SLC12A5: variants seen among roughly 807,000 people sequenced by gnomAD.
SLC12A5 encodes K-Cl cotransporter 2.
SLC12A5 carries 18 observed loss-of-function variants against 124.0 expected under a neutral mutation model. That is an observed-to-expected ratio of 0.15 (90% CI 0.10 to 0.22). SLC12A5 has a LOEUF of 0.22. SLC12A5 is among the 10% of genes least tolerant of loss of function. The pLI, the probability that SLC12A5 is intolerant of heterozygous loss-of-function variation, is 1.00. For synonymous variants in SLC12A5, 589 were observed against 568.0 expected (o/e 1.04, Z -0.53); for missense variants, 867 against 1,478.7 (o/e 0.59, Z 6.78).
At position 46,041,368 on chromosome 20, in the gene SLC12A5, C is replaced by T. The variant is rs1415973040; in HGVS notation, c.894C>T (p.Gly298=). 1.2e-6 allele frequency: 2 copies of T among 1,614,022 alleles called. No homozygotes were observed. Among genetic ancestry groups the T allele is most frequent in the African/African-American group, 2.7e-5 (2 of 74,910 alleles). ...LLGNRTLSRH[G]FDVCAKLAWE... The stretch of plus-strand genomic sequence containing the variant: ...GTAACCGCACGCTGTCTCGCCATGG[C>T]TTTGATGTCTGTGCCAAGCTGGCTT... The change falls in exon 8 of 26, where the codon GGC becomes GGT. Residue 298 remains glycine, a synonymous_variant. Transcript: ENST00000243964.
chr20:46,049,490 T>G (rs1600602103), intron 16 of SLC12A5, 132 bp from the exon 17 acceptor site: 4 of 1,112,026 alleles, frequency 3.6e-6, no homozygotes, highest in Admixed American at 2.3e-5. Context: ...AATGGATGGG[T>G]GGTGAGGGGT....
chr20:46,026,056 G>A (rs1026488322), upstream of SLC12A5, among the ~76,000 whole-genome samples: 2 of 152,288 alleles, frequency 1.3e-5, no homozygotes, highest in South Asian at 4.1e-4. Flanking sequence ...CAAGGGGCTG[G>A]GTTCTAGTCC....
chr20:46,040,468 T>C lies in SLC12A5; in HGVS notation c.708T>C (p.Cys236=), dbSNP rs1322724081. 2 of 1,614,230 alleles carry C rather than the reference T, an allele frequency of 1.2e-6. No individual in the cohort carries two copies. The highest frequency in any genetic ancestry group is 4.5e-5 in the East Asian group (2 of 44,892). Reference sequence around the variant, plus strand: ...ACAACATGCGTGTTTACGGCACCTGTGTGCTCACCTGCATGGCCACTGTGG... The same window carrying C: ...ACAACATGCGTGTTTACGGCACCTGCGTGCTCACCTGCATGGCCACTGTGG... ...MLNNMRVYGT[C]VLTCMATVVF... is the part of the protein sequence containing the mutation. The change falls in exon 7 of 26, where the codon TGT becomes TGC. Residue 236 remains cysteine (C), a synonymous_variant. Transcript: ENST00000243964.
chr20:46,042,533 T>A (rs1425717980), intron 8 of SLC12A5, among the ~76,000 whole-genome samples: 3 of 151,996 alleles, frequency 2.0e-5, no homozygotes, highest in African/African-American at 4.8e-5. Context: ...TTGTCAAAAC[T>A]GGAGGGGTGT....
In SLC12A5 at chr20:46,041,427, G is replaced by A. The variant is rs1259210706; in HGVS notation, c.953G>A (p.Trp318Ter). Reference protein sequence around the residue: ...EGNETVTTRLWGLFCSSRFLN... With the variant: ...EGNETVTTRL ...AATGAGACGGTGACCACACGGCTAT[G>A]GGGCCTTTTCTGCTCCTCTCGCTTC... The change falls in exon 8 of 26, where the codon TGG becomes TAG. Residue 318 changes from tryptophan to a stop codon, truncating the protein, a stop_gained. Coordinates refer to ENST00000243964, the MANE Select transcript of SLC12A5 (RefSeq NM_020708.5). LOFTEE classifies it high-confidence loss of function. 6.2e-7 allele frequency: 1 copy of A among 1,614,124 alleles called. No homozygotes were observed. The highest frequency in any genetic ancestry group is 8.5e-7 in the Non-Finnish European group (1 of 1,180,028).
intron 1 of SLC12A5, among the ~76,000 whole-genome samples, chr20:46,032,754 G>A (rs2084465043): frequency 6.6e-6 from 1 of 152,026 alleles, no homozygotes; most frequent in Admixed American, 6.6e-5. Context: ...TTCACCTCAG[G>A]TCCCCTCAGT....
chr20:46,055,256 C>G (rs2084679493), intron 21 of SLC12A5, among the ~76,000 whole-genome samples: 1 of 150,426 alleles, frequency 6.6e-6, no homozygotes, highest in African/African-American at 2.4e-5. Context: ...GGTGACAGAT[C>G]TTCTCCTCTG....
In SLC12A5 at chr20:46,041,460, C is replaced by A; in HGVS notation, c.986C>A (p.Ala329Asp). 1.2e-6 allele frequency: 2 copies of A among 1,614,140 alleles called. No individual in the cohort carries two copies. The highest frequency in any genetic ancestry group is 1.7e-6 in the Non-Finnish European group (2 of 1,180,028). ...GLFCSSRFLNATCDEYFTRNN... is the reference protein window; with the variant it reads ...GLFCSSRFLNDTCDEYFTRNN... ...TTCTGCTCCTCTCGCTTCCTCAACG[C>A]CACCTGTGATGAATACTTCACCCGA... Residue 329 changes from alanine (A) to aspartate (D), a missense_variant, in exon 8 of 26, where the codon GCC becomes GAC. By Grantham distance (126) the Ala-to-Asp change is moderately radical. Transcript: ENST00000243964.
At chr20:46,048,261 G>A (rs1423568826) in intron 16 of SLC12A5, among the ~76,000 whole-genome samples, 176 bp downstream of exon 16, 1 of 152,160 alleles carries the variant, frequency 6.6e-6, no homozygotes, top group African/African-American at 2.4e-5. Context: ...AGGCTGAGCT[G>A]AGTTCCAGAC....
chr20:46,043,110 C>T (rs1323814766), intron 8 of SLC12A5, 43 bp from the exon 9 acceptor site: 1 of 1,594,216 alleles, frequency 6.3e-7, no homozygotes, highest in Admixed American at 1.7e-5. Flanking sequence ...AGCTCTGGTC[C>T]CCTTATGGCT....
At chr20:46,051,395 G>T (rs1422305431) in intron 17 of SLC12A5, among the ~76,000 whole-genome samples, 3 of 152,138 alleles carry the variant, frequency 2.0e-5, no homozygotes, top group Non-Finnish European at 4.4e-5. Flanking sequence ...TCAGGGTGAT[G>T]GTGGAGAGCA....
chr20:46,043,948 G>T lies in SLC12A5; in HGVS notation c.1394+15G>T. Reference sequence around the variant, plus strand: ...CTGCGGGACAAGTAAGATAATTGGGGTTGATCCTATTCTGGGGGAGGGGTG... The same window carrying T: ...CTGCGGGACAAGTAAGATAATTGGGTTTGATCCTATTCTGGGGGAGGGGTG... On this transcript the variant is annotated intron_variant, in intron 11 of 25. Transcript: ENST00000243964. 3 of 1,577,702 alleles carry T rather than the reference G, an allele frequency of 1.9e-6. No homozygotes were observed. Among genetic ancestry groups the T allele is most frequent in the Non-Finnish European group, 2.6e-6 (3 of 1,157,574 alleles).
chr20:46,055,080 C>A, intron 21 of SLC12A5, 57 bp downstream of exon 21: 2 of 1,357,246 alleles, frequency 1.5e-6, no homozygotes, highest in Non-Finnish European at 2.1e-6. Flanking sequence ...TTCTGGGTGG[C>A]AGGTTTAGGA....
chr20:46,041,479 C>T lies in SLC12A5; in HGVS notation c.1005C>T (p.Phe335=), dbSNP rs755725158. The T allele has an allele frequency of 3.7e-6, 6 of 1,614,156 alleles. No individual in the cohort carries two copies. Among genetic ancestry groups the T allele is most frequent in the Non-Finnish European group, 4.2e-6 (5 of 1,180,026 alleles). ...RFLNATCDEY[F]TRNNVTEIQG... ...TCAACGCCACCTGTGATGAATACTT[C>T]ACCCGAAACAATGTCACAGAGATCC... Residue 335 remains phenylalanine, a synonymous_variant, in exon 8 of 26, where the codon TTC becomes TTT. Transcript: ENST00000243964.
At chr20:46,029,482 C>G (rs892083442) in intron 1 of SLC12A5, 86 bp downstream of exon 1, 1 of 1,416,808 alleles carries the variant, frequency 7.1e-7, no homozygotes, top group African/African-American at 1.4e-5. Context: ...GGGGCCACCT[C>G]CTTCAGAGAG....
Position 46,045,087 on chromosome 20 carries a change from G to A in SLC12A5, c.1516G>A (p.Ala506Thr). ...CGAGLQSLTGAPRLLQAISRD... is the reference protein window; with the variant it reads ...CGAGLQSLTGTPRLLQAISRD... ...GGCTGGGCTGCAGAGCCTCACGGGG[G>A]CCCCACGCCTGCTGCAGGCCATCTC... Residue 506 changes from alanine to threonine, a missense_variant, in exon 12 of 26, where the codon GCC becomes ACC. Transcript: ENST00000243964. The surrounding 1 kb of genome is among the most constrained non-coding windows in gnomAD (Gnocchi z 4.9). The A allele has an allele frequency of 6.2e-7, 1 of 1,611,338 alleles. No individual in the cohort carries two copies.
intron 6 of SLC12A5, among the ~76,000 whole-genome samples, chr20:46,037,783 G>T (rs2145485151): frequency 6.6e-6 from 1 of 152,340 alleles, no homozygotes; most frequent in East Asian, 1.9e-4. Flanking sequence ...TTAAAATATG[G>T]TAGAAATAAA....
Position 46,056,884 on chromosome 20 carries a change from G to C in SLC12A5, c.3111-13G>C. On this transcript the variant is annotated splice_polypyrimidine_tract_variant and intron_variant, in intron 23 of 25. Transcript: ENST00000243964. This position sits in a 1 kb window ranked among gnomAD's most constrained non-coding sequence, Gnocchi z 4.3. ...TTTTCTTTCTCTCTTTGCATCTCTT[G>C]TGTTTCCTGAAGGGAGTGGGAGAAC... 6.2e-7 allele frequency: 1 copy of C among 1,613,734 alleles called. No homozygotes were observed. Among genetic ancestry groups the C allele is most frequent in the Non-Finnish European group, 8.5e-7 (1 of 1,179,688 alleles).
chr20:46,049,709 G>T lies in SLC12A5; in HGVS notation c.2100G>T (p.Ala700=), dbSNP rs6032635. ...TCTCACTGACCTCCCAGCTGAAGGCGGGGAAGGGCCTGACCATCGTGGGCT... is the reference window on the plus strand; with the variant it reads ...TCTCACTGACCTCCCAGCTGAAGGCTGGGAAGGGCCTGACCATCGTGGGCT... ...QLLSLTSQLK[A]GKGLTIVGSV... is the part of the protein sequence containing the mutation. Residue 700 remains alanine (A), a synonymous_variant, in exon 17 of 26, where the codon GCG becomes GCT. Coordinates refer to ENST00000243964, the MANE Select transcript of SLC12A5 (RefSeq NM_020708.5). 1 of 1,606,092 alleles carries T rather than the reference G, an allele frequency of 6.2e-7. No homozygotes were observed. Among genetic ancestry groups the T allele is most frequent in the South Asian group, 1.1e-5 (1 of 88,878 alleles).
Sources: allele counts gnomAD v4.1 joint callset (sites outside exome capture counted in the v4.1 genomes callset), GRCh38; gene constraint gnomAD v4.1.1; non-coding constraint Gnocchi (gnomAD v3.1); transcripts MANE v1.5; gene names NCBI Gene and HGNC (gene_info 2026-07-23, HGNC 2026-07-21).